Variants in COX7A2L observed in about 807,000 individuals in gnomAD.
COX7A2L encodes cytochrome c oxidase subunit 7A2-like, mitochondrial.
COX7A2L carries 18 observed loss-of-function variants against 14.2 expected under a neutral mutation model. The ratio of observed to expected loss-of-function variants is 1.27; its 90% confidence interval spans 0.88 to 1.88. The LOEUF is 1.88. Ranked by LOEUF, COX7A2L falls within the 40% of genes most tolerant of loss-of-function variation. The probability of loss-of-function intolerance (pLI) is 0.00; values close to 1 mark genes in which losing one functional copy is unlikely to be tolerated. For missense variants in COX7A2L, 179 were observed against 138.8 expected, an observed-to-expected ratio of 1.29 and a Z score of -1.46; for synonymous variants, 65 against 57.4, an observed-to-expected ratio of 1.13 and a Z score of -0.60.
At position 42,343,492 on chromosome 2, in the gene COX7A2L, G is replaced by A. The variant is rs540650352; in HGVS notation, c.193-9623C>T. Among the ~76,000 whole-genome samples, 62 of 152,320 alleles carry A rather than the reference G, an allele frequency of 4.1e-4. 1 individual carries two copies. The highest frequency in any genetic ancestry group is 8.3e-4 in the South Asian group (4 of 4,822). On this transcript the variant is annotated intron_variant, in intron 2 of 2. Transcript: ENST00000468711. The stretch of plus-strand genomic sequence containing the variant: ...GAGTCCCTGAGGAGCCAAAGATACC[G>A]GCCAATGATCCCGACAAGAGGAGCT...
chr2:42,359,246 G>A (rs1203339695), intron 1 of COX7A2L: 4 of 152,272 alleles, frequency 2.6e-5, no homozygotes, highest in Non-Finnish European at 4.4e-5. Flanking sequence ...ACTCCAGCCT[G>A]GGTCAGAGCT....
intron 1 of COX7A2L, among the ~76,000 whole-genome samples, chr2:42,357,346 T>C (rs1042854872): frequency 2.0e-5 from 3 of 152,364 alleles, no homozygotes; most frequent in South Asian, 2.1e-4. Flanking sequence ...TCTTACACTG[T>C]CACCCACGCT....
chr2:42,347,814 G>A (rs913649676), downstream of COX7A2L, among the ~76,000 whole-genome samples: 5 of 152,138 alleles, frequency 3.3e-5, no homozygotes, highest in East Asian at 1.9e-4. Context: ...CCAGCTACTC[G>A]GGAGGCTGAG....
chr2:42,351,700 G>T (rs984682019), intron 2 of COX7A2L, among the ~76,000 whole-genome samples: 1 of 152,210 alleles, frequency 6.6e-6, no homozygotes, highest in Non-Finnish European at 1.5e-5. Context: ...GAGGCTGGGC[G>T]CGGTGGCTCA....
chr2:42,354,339 G>C (rs929304961), intron 1 of COX7A2L, among the ~76,000 whole-genome samples: 2 of 151,958 alleles, frequency 1.3e-5, no homozygotes, highest in Non-Finnish European at 2.9e-5. Flanking sequence ...CAAATATATA[G>C]AGTAATCCAA....
upstream of COX7A2L, among the ~76,000 whole-genome samples, chr2:42,364,435 T>G (rs751802239): frequency 2.0e-4 from 30 of 152,106 alleles, no homozygotes; most frequent in Non-Finnish European, 3.8e-4. Flanking sequence ...ACCTTTTCCA[T>G]TGTTGTTTAT....
At chr2:42,366,686 A>G (rs1450494999) in intron 1 of COX7A2L, among the ~76,000 whole-genome samples, 1 of 152,354 alleles carries the variant, frequency 6.6e-6, no homozygotes, top group Admixed American at 6.5e-5. Flanking sequence ...GCAGTCACTG[A>G]TATTGCCCAA....
chr2:42,355,946 G>A (rs1159292594), intron 1 of COX7A2L, among the ~76,000 whole-genome samples: 1 of 151,910 alleles, frequency 6.6e-6, no homozygotes, highest in African/African-American at 2.4e-5. Context: ...GGCTGGTCTC[G>A]AACTCCTGAC....
intron 1 of COX7A2L, 124 bp downstream of exon 1, chr2:42,360,966 A>G: frequency 2.1e-6 from 2 of 974,490 alleles, no homozygotes; most frequent in South Asian, 2.8e-5. Flanking sequence ...CGGGAGGTGC[A>G]AGGAGAACAG....
chr2:42,355,824 C>G (rs1003164389), intron 1 of COX7A2L, among the ~76,000 whole-genome samples: 7 of 141,942 alleles, frequency 4.9e-5, no homozygotes. Flanking sequence ...CTCTCAGGTT[C>G]AAGCCATTCT....
intron 1 of COX7A2L, among the ~76,000 whole-genome samples, 172 bp from the exon 2 acceptor site, chr2:42,353,515 CA>C (rs1670717680): frequency 6.6e-6 from 1 of 152,196 alleles, no homozygotes; most frequent in Non-Finnish European, 1.5e-5. Flanking sequence ...GTGTGAGGGT[CA>C]GGGGGACGCC....
chr2:42,361,254 C>G (rs928941758), upstream of COX7A2L: 24 of 1,239,356 alleles, frequency 1.9e-5, no homozygotes, highest in East Asian at 5.7e-4. Context: ...AGACTCAGCG[C>G]AAGGACCCGG....
At chr2:42,361,388 C>T, upstream of COX7A2L, 1 of 494,394 alleles carries the variant, frequency 2.0e-6, no homozygotes, top group Non-Finnish European at 3.6e-6. Context: ...AGAGAGCACG[C>T]AAAGTCGCTG....
upstream of COX7A2L, among the ~76,000 whole-genome samples, chr2:42,362,863 CTTTTTTTTT>C (rs529125372): frequency 1.5e-5 from 2 of 134,256 alleles, no homozygotes; most frequent in South Asian, 2.4e-4. Flanking sequence ...TAGTGATTTC[CTTTTTTTTT>C]TTTTTTTTTT....
rs975866354 is a variant in COX7A2L at position 42,339,315 on chromosome 2, C to T, written c.193-5446G>A. On this transcript the variant is annotated intron_variant, in intron 2 of 2. Transcript: ENST00000468711. The surrounding 1 kb of genome is among the most constrained non-coding windows in gnomAD (Gnocchi z 5.4). Reference sequence around the variant, plus strand: ...TTTCTCGGGCACAGGATCCCCCCAGCGGCTCTTGCTCCTCCATGTCCTGAT... The same window carrying T: ...TTTCTCGGGCACAGGATCCCCCCAGTGGCTCTTGCTCCTCCATGTCCTGAT... Among the ~76,000 whole-genome samples the T allele has an allele frequency of 6.6e-6, 1 of 152,318 alleles. No individual in the cohort carries two copies. The highest frequency in any genetic ancestry group is 6.5e-5 in the Admixed American group (1 of 15,298).
upstream of COX7A2L, chr2:42,361,729 C>G (rs1445797093): frequency 6.6e-6 from 1 of 152,646 alleles, no homozygotes; most frequent in African/African-American, 2.4e-5. Flanking sequence ...CGAACTTTAA[C>G]TGATCGTAGT....
In COX7A2L at chr2:42,361,070, TG is replaced by T; in HGVS notation, c.72+19del. 2.5e-6 allele frequency: 4 copies of T among 1,612,482 alleles called. No individual in the cohort carries two copies. The highest frequency in any genetic ancestry group is 1.6e-4 in the Middle Eastern group (1 of 6,062). Reference sequence around the variant, plus strand: ...GGGCCGCCACTTCTCATGTCCGAGCTGGCCAGGCGCCACTCGTACCTGCGGG... The same window carrying T: ...GGGCCGCCACTTCTCATGTCCGAGCTGCCAGGCGCCACTCGTACCTGCGGG... On this transcript the variant is annotated intron_variant, in intron 1 of 2. Transcript: ENST00000234301.
downstream of COX7A2L, among the ~76,000 whole-genome samples, chr2:42,347,307 C>CTTT (rs10718452): frequency 6.7e-5 from 9 of 135,042 alleles, no homozygotes; most frequent in East Asian, 8.7e-4. Context: ...AAACCAGCAC[C>CTTT]TTTTTTTTTT....
chr2:42,360,336 A>G (rs1468725710), intron 1 of COX7A2L, among the ~76,000 whole-genome samples: 1 of 152,158 alleles, frequency 6.6e-6, no homozygotes, highest in African/African-American at 2.4e-5. Context: ...CTCACAATAA[A>G]TTAAATAACT....
Sources: allele counts gnomAD v4.1 joint callset (sites outside exome capture counted in the v4.1 genomes callset), GRCh38; gene constraint gnomAD v4.1.1; non-coding constraint Gnocchi (gnomAD v3.1); transcripts MANE v1.5; gene names NCBI Gene and HGNC (gene_info 2026-07-23, HGNC 2026-07-21).